Variants in SLCO1A2 observed in about 807,000 individuals in gnomAD.
The protein encoded by SLCO1A2 is OATP-1.
Under a neutral mutation model 69.0 loss-of-function variants are expected in SLCO1A2, and 67 were observed. That is an observed-to-expected ratio of 0.97 (90% CI 0.80 to 1.19). SLCO1A2 has a LOEUF of 1.19. Among genes scored for constraint, SLCO1A2 ranks in the 50% most tolerant of loss-of-function variants. The probability of loss-of-function intolerance (pLI) is 0.00; values close to 1 mark genes in which losing one functional copy is unlikely to be tolerated. For missense variants in SLCO1A2, 787 were observed against 793.7 expected, an observed-to-expected ratio of 0.99 and a Z score of 0.10; for synonymous variants, 260 against 265.9, an observed-to-expected ratio of 0.98 and a Z score of 0.22.
At position 21,274,874 on chromosome 12, in the gene SLCO1A2, T is replaced by C. The variant is rs868681603; in HGVS notation, c.1676-288A>G. 8.7e-6 allele frequency: 9 copies of C among 1,035,084 alleles called. No homozygotes were observed. In the Middle Eastern group the frequency reaches 1.3e-3, roughly 150 times the overall value. 64.1% of individuals were successfully genotyped at this position (1,035,084 alleles called of 1,614,324 possible). On this transcript the variant is annotated intron_variant, in intron 13 of 14. Coordinates refer to ENST00000683939, the MANE Select transcript of SLCO1A2 (RefSeq NM_001386879.1). ...TCTTAAATGTTTTGGGCCAGTTATA[T>C]GTACATTTTATTTGGGCAGAGCATT...
chr12:21,405,853 A>G (rs1941815250), intron 1 of SLCO1A2, among the ~76,000 whole-genome samples: 1 of 152,356 alleles, frequency 6.6e-6, no homozygotes, highest in Non-Finnish European at 1.5e-5. Context: ...TGAACCCAGC[A>G]CTAGCATGAG....
intron 1 of SLCO1A2, among the ~76,000 whole-genome samples, chr12:21,384,797 G>T (rs1462128666): frequency 2.1e-5 from 3 of 142,280 alleles, no homozygotes; most frequent in African/African-American, 7.9e-5. Flanking sequence ...TCGGAGTCTC[G>T]TTCTGTCACT....
At position 21,332,623 on chromosome 12, in the gene SLCO1A2, G is replaced by T. The variant is rs113158516; in HGVS notation, c.60+1965C>A. ...GAGGTCCATTCAGTGCTGGGAGCAG[G>T]GGGTGGGAGGGTTGAATTTTATTTG... On this transcript the variant is annotated intron_variant, in intron 2 of 14. Coordinates refer to ENST00000683939, the MANE Select transcript of SLCO1A2 (RefSeq NM_001386879.1). Among the ~76,000 whole-genome samples, 1,297 of 152,164 alleles carry T rather than the reference G, an allele frequency of 8.5e-3. 13 individuals are homozygous for T. The highest frequency in any genetic ancestry group is 0.028 in the African/African-American group (1,183 of 41,514).
intron 1 of SLCO1A2, among the ~76,000 whole-genome samples, chr12:21,390,148 G>A (rs1413756384): frequency 6.6e-6 from 1 of 151,870 alleles, no homozygotes; most frequent in African/African-American, 2.4e-5. Flanking sequence ...AGACAAAAAT[G>A]TTGGTGAACT....
At chr12:21,337,032 A>G (rs1369296240), upstream of SLCO1A2, among the ~76,000 whole-genome samples, 1 of 152,074 alleles carries the variant, frequency 6.6e-6, no homozygotes, top group African/African-American at 2.4e-5. Context: ...CCTGCTGGTC[A>G]TAGCTCTGTG....
Position 21,353,176 on chromosome 12 carries a change from G to T in SLCO1A2, c.-62-18467C>A, listed in dbSNP as rs150277417. 1.1e-3 allele frequency among the ~76,000 whole-genome samples: 167 copies of T among 152,170 alleles called. 2 individuals carry two copies. Among genetic ancestry groups the T allele is most frequent in the Admixed American group, 5.9e-4 (9 of 15,280 alleles). The stretch of plus-strand genomic sequence containing the variant: ...CATTACCAAGAATTTATAACTAAGA[G>T]AAATAAATATTTGGAGCCTGTTAAT... On this transcript the variant is annotated intron_variant, in intron 2 of 15. Transcript: ENST00000307378.
intron 10 of SLCO1A2, chr12:21,295,384 T>G: frequency 2.1e-6 from 1 of 482,186 alleles, no homozygotes; most frequent in Non-Finnish European, 3.7e-6. Flanking sequence ...AATCATAAAT[T>G]CACTCACCCT....
chr12:21,359,652 C>G (rs1391873374), intron 2 of SLCO1A2, among the ~76,000 whole-genome samples: 2 of 151,614 alleles, frequency 1.3e-5, no homozygotes, highest in Non-Finnish European at 2.9e-5. Flanking sequence ...GAGGCTGAGG[C>G]AGGAGAATGG....
chr12:21,380,442 A>G (rs1303032859), intron 1 of SLCO1A2, among the ~76,000 whole-genome samples: 1 of 152,240 alleles, frequency 6.6e-6, no homozygotes, highest in East Asian at 1.9e-4. Flanking sequence ...AAAGGTTATT[A>G]TATGGATACA....
At chr12:21,402,812 G>A (rs779731055) in intron 1 of SLCO1A2, among the ~76,000 whole-genome samples, 5 of 152,230 alleles carry the variant, frequency 3.3e-5, no homozygotes, top group South Asian at 4.1e-4. Flanking sequence ...TTTTACATGA[G>A]CATAGAAAGA....
At chr12:21,300,684 A>G (rs1226328990) in intron 7 of SLCO1A2, 115 bp from the exon 8 acceptor site, 39 of 788,758 alleles carry the variant, frequency 4.9e-5, no homozygotes. Flanking sequence ...ATTGGCTTAT[A>G]ATTCAGACAC....
Position 21,264,980 on chromosome 12 carries a change from T to C in SLCO1A2, c.*4568A>G, listed in dbSNP as rs1335935170. On this transcript the variant is annotated 3_prime_UTR_variant, in exon 15 of 15. Transcript: ENST00000683939. Reference sequence around the variant, plus strand: ...GAAACAGGCATGATGCAGATTGGTTTAGGGGCATGAAGGTGGGTCTGAGCA... The same window carrying C: ...GAAACAGGCATGATGCAGATTGGTTCAGGGGCATGAAGGTGGGTCTGAGCA... 1 of 152,346 alleles carries C rather than the reference T, an allele frequency of 6.6e-6. No individual in the cohort carries two copies. Among genetic ancestry groups the C allele is most frequent in the Non-Finnish European group, 1.5e-5 (1 of 68,134 alleles). 9.4% of individuals were successfully genotyped at this position (152,346 alleles called of 1,614,324 possible).
At chr12:21,403,436 T>A (rs1007619807) in intron 1 of SLCO1A2, 1 of 152,130 alleles carries the variant, frequency 6.6e-6, no homozygotes, top group Non-Finnish European at 1.5e-5. Flanking sequence ...TTCACCAACA[T>A]CACCATTCAT....
chr12:21,287,555 TGCACAC>T (rs1946100464), intron 12 of SLCO1A2, among the ~76,000 whole-genome samples: 1 of 145,750 alleles, frequency 6.9e-6, no homozygotes, highest in Non-Finnish European at 1.5e-5. Flanking sequence ...TAAAGACACA[TGCACAC>T]GTATGTTTAT....
chr12:21,358,519 AT>A (rs1365906044), intron 2 of SLCO1A2, among the ~76,000 whole-genome samples: 12 of 152,200 alleles, frequency 7.9e-5, no homozygotes, highest in African/African-American at 2.9e-4. Flanking sequence ...CACAAAAAGT[AT>A]TATAATATTT....
chr12:21,394,794 T>G (rs1373792019), intron 1 of SLCO1A2: 1 of 152,144 alleles, frequency 6.6e-6, no homozygotes, highest in Non-Finnish European at 1.5e-5. Flanking sequence ...TAGATATTTC[T>G]CAACACCTGG....
intron 1 of SLCO1A2, among the ~76,000 whole-genome samples, chr12:21,415,928 C>T (rs1173186036): frequency 2.6e-5 from 4 of 151,974 alleles, no homozygotes; most frequent in East Asian, 1.9e-4. Flanking sequence ...GGATTTTCTC[C>T]ATCTGATATT....
At chr12:21,304,261 T>G (rs1369810645) in intron 6 of SLCO1A2, among the ~76,000 whole-genome samples, 166 bp downstream of exon 6, 1 of 152,176 alleles carries the variant, frequency 6.6e-6, no homozygotes, top group Non-Finnish European at 1.5e-5. Flanking sequence ...TCATTGTCAT[T>G]TAGCATATCT....
rs7975612 is a variant in SLCO1A2 at position 21,309,841 on chromosome 12, G to A, written c.336-2853C>T. Among the ~76,000 whole-genome samples the A allele has an allele frequency of 4.8e-3, 726 of 152,264 alleles. 8 individuals are homozygous for A. The highest frequency in any genetic ancestry group is 0.017 in the African/African-American group (698 of 41,552). On this transcript the variant is annotated intron_variant, in intron 4 of 14. Coordinates refer to ENST00000683939, the MANE Select transcript of SLCO1A2 (RefSeq NM_001386879.1). Reference sequence around the variant, plus strand: ...AGGAAATAGCAATGCAGCAGGCCTAGAGAATTCCAAGTTCAGATTGCAGAT... The same window carrying A: ...AGGAAATAGCAATGCAGCAGGCCTAAAGAATTCCAAGTTCAGATTGCAGAT...
Sources: allele counts gnomAD v4.1 joint callset (sites outside exome capture counted in the v4.1 genomes callset), GRCh38; gene constraint gnomAD v4.1.1; transcripts MANE v1.5; gene names NCBI Gene and HGNC (gene_info 2026-07-23, HGNC 2026-07-21).